MC2R: variants seen among roughly 807,000 people sequenced by gnomAD.
MC2R encodes melanocortin 2 receptor.
Under a neutral mutation model 9.8 loss-of-function variants are expected in MC2R, and 9 were observed. That is an observed-to-expected ratio of 0.92 (90% CI 0.55 to 1.60). The LOEUF (loss-of-function observed/expected upper bound fraction) is 1.60, where lower values mean the gene tolerates loss of function less well. Ranked by LOEUF, MC2R falls within the 40% of genes most tolerant of loss-of-function variation. The pLI is 0.00. For synonymous variants in MC2R, 185 were observed against 154.7 expected, an observed-to-expected ratio of 1.20 and a Z score of -1.45; for missense variants, 370 against 389.0, an observed-to-expected ratio of 0.95 and a Z score of 0.41.
chr18:13,901,125 TAAAC>T (rs1174843401), intron 1 of MC2R, among the ~76,000 whole-genome samples: 1 of 152,118 alleles, frequency 6.6e-6, no homozygotes, highest in South Asian at 2.1e-4. Flanking sequence ...ACATTGAAAT[TAAAC>T]AATATGCTCC....
intron 1 of MC2R, among the ~76,000 whole-genome samples, chr18:13,904,249 T>C (rs1314147063): frequency 6.7e-6 from 1 of 150,078 alleles, no homozygotes; most frequent in Non-Finnish European, 1.5e-5. Flanking sequence ...GGCGAGGTGG[T>C]GGGCACCTCT....
At chr18:13,892,450 T>C (rs2045320856) in intron 1 of MC2R, among the ~76,000 whole-genome samples, 1 of 152,174 alleles carries the variant, frequency 6.6e-6, no homozygotes, top group Non-Finnish European at 1.5e-5. Context: ...CACCCATCCC[T>C]GTTCAGCACA....
intron 1 of MC2R, among the ~76,000 whole-genome samples, chr18:13,902,583 C>T (rs1265655689): frequency 6.6e-6 from 1 of 152,060 alleles, no homozygotes; most frequent in Non-Finnish European, 1.5e-5. Flanking sequence ...CAAGAACATG[C>T]AATGGGGGAT....
chr18:13,902,275 A>C (rs958009229), intron 1 of MC2R, among the ~76,000 whole-genome samples: 2 of 152,146 alleles, frequency 1.3e-5, no homozygotes, highest in African/African-American at 4.8e-5. Context: ...TATACACAAC[A>C]TACCCACAGC....
chr18:13,911,466 G>C (rs1424950117), intron 1 of MC2R, among the ~76,000 whole-genome samples: 1 of 152,232 alleles, frequency 6.6e-6, no homozygotes, highest in African/African-American at 2.4e-5. Context: ...AAGGATGTCA[G>C]TAAAGATCTG....
intron 1 of MC2R, among the ~76,000 whole-genome samples, chr18:13,892,819 C>T (rs930391042): frequency 6.7e-6 from 1 of 149,970 alleles, no homozygotes; most frequent in African/African-American, 2.5e-5. Flanking sequence ...CACACACACA[C>T]ACACACACAC....
chr18:13,904,776 G>A (rs538481683), intron 1 of MC2R, among the ~76,000 whole-genome samples: 5 of 152,164 alleles, frequency 3.3e-5, no homozygotes, highest in African/African-American at 7.2e-5. Flanking sequence ...TGACAAACCC[G>A]ACAAAAACAA....
At chr18:13,902,821 C>T (rs1290633390) in intron 1 of MC2R, among the ~76,000 whole-genome samples, 1 of 152,030 alleles carries the variant, frequency 6.6e-6, no homozygotes, top group Non-Finnish European at 1.5e-5. Flanking sequence ...CACAGGTACC[C>T]AAACAAAAAT....
chr18:13,892,498 G>T (rs72874314), intron 1 of MC2R, among the ~76,000 whole-genome samples: 2 of 152,140 alleles, frequency 1.3e-5, no homozygotes, highest in African/African-American at 4.8e-5. Context: ...TGGAGCATGG[G>T]TGGCGGATGA....
intron 1 of MC2R, among the ~76,000 whole-genome samples, chr18:13,897,166 C>T (rs921936800): frequency 2.0e-5 from 3 of 152,300 alleles, no homozygotes; most frequent in East Asian, 1.9e-4. Flanking sequence ...CCCAAACCCC[C>T]CAGTGGTAGC....
chr18:13,906,097 A>T (rs1314275935), intron 1 of MC2R, among the ~76,000 whole-genome samples: 1 of 152,200 alleles, frequency 6.6e-6, no homozygotes, highest in Non-Finnish European at 1.5e-5. Context: ...AAAAAAATAT[A>T]TAAATCATTC....
In MC2R at chr18:13,885,253, A is replaced by C; in HGVS notation, c.266T>G (p.Met89Arg). The C allele has an allele frequency of 6.2e-7, 1 of 1,614,142 alleles. No individual in the cohort carries two copies. Among genetic ancestry groups the C allele is most frequent in the Non-Finnish European group, 8.5e-7 (1 of 1,180,024 alleles). Reference protein sequence around the residue: ...LENILIILRNMGYLKPRGSFE... With the variant: ...LENILIILRNRGYLKPRGSFE... ...ACTGCCACGTGGCTTGAGATAGCCC[A>C]TGTTTCTCAATATGATCAGGATATT... Residue 89 changes from methionine (M) to arginine (R), a missense_variant, in exon 2 of 2, where the codon ATG becomes AGG. Coordinates refer to ENST00000327606, the MANE Select transcript of MC2R (RefSeq NM_000529.2).
At chr18:13,895,157 G>A (rs1157227879) in intron 1 of MC2R, among the ~76,000 whole-genome samples, 1 of 152,212 alleles carries the variant, frequency 6.6e-6, no homozygotes, top group Non-Finnish European at 1.5e-5. Context: ...AGGGTAATCT[G>A]AATGATTCAC....
chr18:13,913,646 C>G (rs550488191), intron 1 of MC2R, among the ~76,000 whole-genome samples: 84 of 152,224 alleles, frequency 5.5e-4, no homozygotes, highest in Non-Finnish European at 1.1e-3. Context: ...TGCACCAGCG[C>G]TTGCCTGTCT....
At chr18:13,911,525 G>T (rs1032621220) in intron 1 of MC2R, among the ~76,000 whole-genome samples, 21 of 152,262 alleles carry the variant, frequency 1.4e-4, no homozygotes, top group African/African-American at 4.8e-4. Context: ...ATCTTTGGAC[G>T]AGTGCCTGGA....
chr18:13,902,830 A>G (rs2045388446), intron 1 of MC2R, among the ~76,000 whole-genome samples: 1 of 152,216 alleles, frequency 6.6e-6, no homozygotes, highest in South Asian at 2.1e-4. Flanking sequence ...CCAAACAAAA[A>G]TGGACAAATG....
chr18:13,912,774 G>A (rs906208701), intron 1 of MC2R, among the ~76,000 whole-genome samples: 26 of 152,182 alleles, frequency 1.7e-4, no homozygotes, highest in Admixed American at 1.7e-3. Flanking sequence ...AGAGTTATAA[G>A]TTACGCTTAT....
chr18:13,911,487 C>T (rs1161202807), intron 1 of MC2R, among the ~76,000 whole-genome samples: 1 of 152,206 alleles, frequency 6.6e-6, no homozygotes, highest in African/African-American at 2.4e-5. Context: ...CTTTTTCTCC[C>T]AGATGAAGGC....
chr18:13,899,350 G>A (rs1434977831), intron 1 of MC2R, among the ~76,000 whole-genome samples: 1 of 152,096 alleles, frequency 6.6e-6, no homozygotes, highest in Non-Finnish European at 1.5e-5. Context: ...AAAAAATGAA[G>A]CATGCCTATA....
Sources: gnomAD v4.1 joint callset for allele counts (sites outside exome capture counted in the v4.1 genomes callset) on GRCh38, gnomAD v4.1.1 for gene constraint, MANE v1.5 for transcripts, NCBI Gene and HGNC (gene_info 2026-07-23, HGNC 2026-07-21) for gene names.